TRNAU1AP: variants seen among roughly 807,000 people sequenced by gnomAD.
The protein encoded by TRNAU1AP is tRNA selenocysteine 1 associated protein 1.
Under a neutral mutation model 43.3 loss-of-function variants are expected in TRNAU1AP, and 33 were observed. The ratio of observed to expected loss-of-function variants is 0.76; its 90% CI spans 0.58 to 1.02. TRNAU1AP has a LOEUF of 1.02. TRNAU1AP is among the 50% of genes least tolerant of loss of function. The probability of loss-of-function intolerance (pLI) is 0.00; values close to 1 mark genes in which losing one functional copy is unlikely to be tolerated. For synonymous variants in TRNAU1AP, 143 were observed against 129.1 expected (o/e 1.11, Z -0.73); for missense variants, 290 against 362.7 (o/e 0.80, Z 1.63).
chr1:28,565,623 A>G (rs1382186831), intron 5 of TRNAU1AP: 3 of 151,066 alleles, frequency 2.0e-5, no homozygotes, highest in African/African-American at 7.3e-5. Context: ...CCCCATCTCT[A>G]CTAAAAAAAT....
chr1:28,554,964 T>G (rs1218190182), intron 2 of TRNAU1AP, among the ~76,000 whole-genome samples: 2 of 151,734 alleles, frequency 1.3e-5, no homozygotes, highest in South Asian at 2.1e-4. Flanking sequence ...GGAGGATGGG[T>G]GCGGTGCCTC....
At chr1:28,563,553 G>A (rs537663788) in intron 4 of TRNAU1AP, among the ~76,000 whole-genome samples, 3 of 152,096 alleles carry the variant, frequency 2.0e-5, no homozygotes, top group South Asian at 4.2e-4. Context: ...GCGTAGTGGC[G>A]GGCACCTGTA....
chr1:28,574,810 G>T (rs1665737771), intron 8 of TRNAU1AP: 2 of 152,196 alleles, frequency 1.3e-5, no homozygotes, highest in South Asian at 4.1e-4. Flanking sequence ...GAAAATGTTC[G>T]TTAAAGGAAA....
At chr1:28,576,673 C>T (rs57158973) in intron 8 of TRNAU1AP, among the ~76,000 whole-genome samples, 8,448 of 152,106 alleles carry the variant, frequency 0.056, 314 homozygotes, top group African/African-American at 0.1. Flanking sequence ...CATCTCGGCT[C>T]ACCGCAACCT....
chr1:28,571,951 G>T, intron 8 of TRNAU1AP, 51 bp downstream of exon 8: 4 of 1,500,944 alleles, frequency 2.7e-6, no homozygotes, highest in Non-Finnish European at 3.7e-6. Context: ...GGTGACTGCT[G>T]TGGCTGGCAC....
chr1:28,562,028 A>T (rs571824521), intron 4 of TRNAU1AP, among the ~76,000 whole-genome samples: 3 of 152,084 alleles, frequency 2.0e-5, no homozygotes, highest in Non-Finnish European at 4.4e-5. Context: ...GGCTACTGTG[A>T]GCCATGATCG....
chr1:28,553,694 G>A lies in TRNAU1AP; in HGVS notation c.82G>A (p.Glu28Lys). The change falls in exon 2 of 9, where the codon GAG becomes AAG. Residue 28 changes from glutamate (E) to lysine (K), a missense_variant. Glu to Lys is a moderately conservative substitution (Grantham distance 56). Around this residue, in one of 3 missense-constraint regions of TRNAU1AP, gnomAD observed 59 missense variants for 45.5 expected, o/e 1.30. Coordinates refer to ENST00000373830, the MANE Select transcript of TRNAU1AP (RefSeq NM_017846.5). Reference sequence around the variant, plus strand: ...CTCCAGAGCCTTTGCCACCATGGGGGAGACCGTAATGAGCGTCAAAATTAT... The same window carrying A: ...CTCCAGAGCCTTTGCCACCATGGGGAAGACCGTAATGAGCGTCAAAATTAT... ...FISRAFATMGETVMSVKIIRN... is the reference protein window; with the variant it reads ...FISRAFATMGKTVMSVKIIRN... The A allele has an allele frequency of 1.2e-6, 2 of 1,614,194 alleles. No homozygotes were observed. The highest frequency in any genetic ancestry group is 1.7e-6 in the Non-Finnish European group (2 of 1,180,030).
In TRNAU1AP at chr1:28,561,412, C is replaced by A; in HGVS notation, c.278+14C>A. On this transcript the variant is annotated intron_variant, in intron 4 of 8. Transcript: ENST00000373830. The stretch of plus-strand genomic sequence containing the variant: ...ACCAGATAACAGGTAGGTACAAAGT[C>A]ATGTCTAGACAGACATAAGATGTGT... 1 of 1,613,864 alleles carries A rather than the reference C, an allele frequency of 6.2e-7. No homozygotes were observed. Among genetic ancestry groups the A allele is most frequent in the South Asian group, 1.1e-5 (1 of 91,014 alleles).
At chr1:28,572,024 A>T (rs528109688) in intron 8 of TRNAU1AP, 124 bp downstream of exon 8, 15 of 855,682 alleles carry the variant, frequency 1.8e-5, no homozygotes, top group African/African-American at 1.5e-4. Context: ...CATTCTGGTT[A>T]GAGAGCCAGA....
At chr1:28,568,464 AG>A (rs1665588350) in intron 6 of TRNAU1AP, among the ~76,000 whole-genome samples, 1 of 152,146 alleles carries the variant, frequency 6.6e-6, no homozygotes, top group African/African-American at 2.4e-5. Context: ...TTGTAGAGAT[AG>A]GGTCTTGCTT....
At chr1:28,558,390 TA>T (rs1486898169) in intron 2 of TRNAU1AP, among the ~76,000 whole-genome samples, 1 of 149,816 alleles carries the variant, frequency 6.7e-6, no homozygotes, top group East Asian at 2.0e-4. Flanking sequence ...AATTTTCGTA[TA>T]TTTTTTTTTT....
rs571992485 is a variant in TRNAU1AP at position 28,578,177 on chromosome 1, T to C, written c.*541T>C. 6.3e-6 allele frequency: 1 copy of C among 157,650 alleles called. No individual in the cohort carries two copies. Among genetic ancestry groups the C allele is most frequent in the South Asian group, 1.9e-4 (1 of 5,306 alleles). The allele number at this position is 157,650 out of a possible 1,614,324, so 9.8% of individuals were successfully genotyped here. On this transcript the variant is annotated 3_prime_UTR_variant, in exon 9 of 9. Coordinates refer to ENST00000373830, the MANE Select transcript of TRNAU1AP (RefSeq NM_017846.5). ...ATTAGTACTTGCTCTAATAATGGGT[T>C]TCATCTATTTTCATGAGTTGCAGCA...
intron 4 of TRNAU1AP, among the ~76,000 whole-genome samples, chr1:28,563,406 G>A (rs1378713385): frequency 1.3e-5 from 2 of 151,998 alleles, no homozygotes; most frequent in African/African-American, 4.8e-5. Context: ...AAATTGGCTG[G>A]GCGTGGTGGC....
rs965035311 is a variant in TRNAU1AP at position 28,571,085 on chromosome 1, G to A, written c.531-91G>A. ...GTCTCAAGAAAAAAAAAAGTTAATC[G>A]GTATAAAGCACTTAAAATAGTCTGT... On this transcript the variant is annotated intron_variant, in intron 6 of 8. Coordinates refer to ENST00000373830, the MANE Select transcript of TRNAU1AP (RefSeq NM_017846.5). 1.7e-5 allele frequency: 22 copies of A among 1,281,948 alleles called. No homozygotes were observed. In the African/African-American group the frequency reaches 2.8e-4, roughly 17 times the overall value. The allele number at this position is 1,281,948 out of a possible 1,614,324, so 79.4% of individuals were successfully genotyped here.
At chr1:28,566,240 G>C (rs1317196701) in intron 5 of TRNAU1AP, among the ~76,000 whole-genome samples, 1 of 151,412 alleles carries the variant, frequency 6.6e-6, no homozygotes. Flanking sequence ...GCTTCAACCT[G>C]GGAGGCCGAG....
rs1157694480 is a variant in TRNAU1AP at position 28,578,322 on chromosome 1, AC to A, written c.*687del. ...AGCAGACCCTCCGTGTGAACTTTATACTGCTCACTTCCGTGTTTCCCAAGTA... is the reference window on the plus strand; with the variant it reads ...AGCAGACCCTCCGTGTGAACTTTATATGCTCACTTCCGTGTTTCCCAAGTA... On this transcript the variant is annotated 3_prime_UTR_variant, in exon 9 of 9. Coordinates refer to ENST00000373830, the MANE Select transcript of TRNAU1AP (RefSeq NM_017846.5). 2 of 175,778 alleles carry A rather than the reference AC, an allele frequency of 1.1e-5. No homozygotes were observed. The highest frequency in any genetic ancestry group is 4.8e-5 in the African/African-American group (2 of 41,846). The allele number at this position is 175,778 out of a possible 1,614,324, so 10.9% of individuals were successfully genotyped here.
Position 28,577,802 on chromosome 1 carries a change from A to G in TRNAU1AP, c.*166A>G, listed in dbSNP as rs1326579157. ...ACTGCTGCATTCATTTGACCATTTGAGTTTGAAGACCAAGGGAACAACTTT... is the reference window on the plus strand; with the variant it reads ...ACTGCTGCATTCATTTGACCATTTGGGTTTGAAGACCAAGGGAACAACTTT... On this transcript the variant is annotated 3_prime_UTR_variant, in exon 9 of 9. Transcript: ENST00000373830. The G allele has an allele frequency of 6.6e-6, 5 of 763,204 alleles. No individual in the cohort carries two copies. Among genetic ancestry groups the G allele is most frequent in the African/African-American group, 1.8e-5 (1 of 56,312 alleles). The allele number at this position is 763,204 out of a possible 1,614,324, so 47.3% of individuals were successfully genotyped here. A position where few individuals can be genotyped will look rare whatever the true frequency, so the allele number is the denominator to read the frequency against.
Position 28,561,382 on chromosome 1 carries a change from A to G in TRNAU1AP, c.262A>G (p.Lys88Glu). The G allele has an allele frequency of 6.2e-7, 1 of 1,614,180 alleles. No homozygotes were observed. The highest frequency in any genetic ancestry group is 8.5e-7 in the Non-Finnish European group (1 of 1,180,028). Residue 88 changes from lysine (K) to glutamate (E), a missense_variant, in exon 4 of 9, where the codon AAA becomes GAA. Physicochemically the swap from Lys to Glu is moderately conservative, Grantham distance 56. Around this residue, in one of 3 missense-constraint regions of TRNAU1AP, gnomAD observed 174 missense variants for 262.1 expected, o/e 0.66. Coordinates refer to ENST00000373830, the MANE Select transcript of TRNAU1AP (RefSeq NM_017846.5). ...RFKLNYATYG[K>E]QPDNSPEYSL... is the part of the protein sequence containing the mutation. ...TAAACTGAACTATGCCACTTACGGG[A>G]AACAACCAGATAACAGGTAGGTACA...
intron 8 of TRNAU1AP, among the ~76,000 whole-genome samples, chr1:28,575,200 G>A (rs1324957436): frequency 6.6e-6 from 1 of 152,016 alleles, no homozygotes. Flanking sequence ...CTGTCACCAG[G>A]CTGGAGTTCA....
Sources: gnomAD v4.1 joint callset for allele counts (sites outside exome capture counted in the v4.1 genomes callset) on GRCh38, gnomAD v4.1.1 for gene constraint, gnomAD v4.1.1 regional missense constraint, MANE v1.5 for transcripts, NCBI Gene and HGNC (gene_info 2026-07-23, HGNC 2026-07-21) for gene names.